ADGRV1: variants seen among roughly 807,000 people sequenced by gnomAD.
ADGRV1 encodes adhesion G protein-coupled receptor V1, also known as G-protein coupled receptor 98.
A neutral mutation model predicts 596.2 loss-of-function variants in ADGRV1; 359 were observed. The observed-to-expected ratio is 0.60, with a 90% CI of 0.55 to 0.66. The LOEUF (loss-of-function observed/expected upper bound fraction) is 0.66, where lower values mean the gene tolerates loss of function less well. Ranked by LOEUF, ADGRV1 falls within the 30% of genes least tolerant of loss-of-function variation. The probability of loss-of-function intolerance (pLI) is 0.00; values close to 1 mark genes in which losing one functional copy is unlikely to be tolerated. For synonymous variants in ADGRV1, 2,681 were observed against 2,679.2 expected, an observed-to-expected ratio of 1.00 and a Z score of -0.02; for missense variants, 7,274 against 7,575.6, an observed-to-expected ratio of 0.96 and a Z score of 1.48.
intron 83 of ADGRV1, among the ~76,000 whole-genome samples, chr5:90,888,345 TAAAGAG>T (rs890811191): frequency 3.9e-4 from 60 of 152,144 alleles, no homozygotes; most frequent in African/African-American, 1.3e-3. Flanking sequence ...TGTGAGTTCT[TAAAGAG>T]AAAAAGTTTT....
At chr5:91,088,658 A>T (rs1021492257) in intron 86 of ADGRV1, among the ~76,000 whole-genome samples, 1 of 152,160 alleles carries the variant, frequency 6.6e-6, no homozygotes, top group Admixed American at 6.5e-5. Flanking sequence ...AAATGGAAGC[A>T]TGTAGTTATG....
At chr5:90,813,389 A>G (rs1453225747) in intron 74 of ADGRV1, among the ~76,000 whole-genome samples, 1 of 152,012 alleles carries the variant, frequency 6.6e-6, no homozygotes, top group Non-Finnish European at 1.5e-5. Context: ...GGGAAGTGGC[A>G]GAGGACTCTT....
intron 85 of ADGRV1, among the ~76,000 whole-genome samples, chr5:91,017,503 G>A (rs1783270415): frequency 6.6e-6 from 1 of 151,888 alleles, no homozygotes; most frequent in African/African-American, 2.4e-5. Flanking sequence ...TCCTCCCGTG[G>A]CATGAATACA....
intron 1 of ADGRV1, among the ~76,000 whole-genome samples, chr5:90,609,650 C>A (rs1050525436): frequency 6.6e-6 from 1 of 151,862 alleles, no homozygotes; most frequent in East Asian, 1.9e-4. Context: ...TAGAATGCCC[C>A]TTAGTAGATG....
At chr5:90,769,018 T>C (rs1757422344) in intron 59 of ADGRV1, among the ~76,000 whole-genome samples, 1 of 152,160 alleles carries the variant, frequency 6.6e-6, no homozygotes, top group Non-Finnish European at 1.5e-5. Context: ...AGTTTTATAA[T>C]CTTGTGTTGA....
chr5:90,716,383 T>A, intron 42 of ADGRV1, 84 bp from the exon 43 acceptor site: 1 of 989,988 alleles, frequency 1.0e-6, no homozygotes, highest in Non-Finnish European at 1.4e-6. Flanking sequence ...GTTGGCCTAG[T>A]TTTCAATTAG....
At chr5:91,080,653 A>G (rs564229784) in intron 86 of ADGRV1, among the ~76,000 whole-genome samples, 41 of 150,568 alleles carry the variant, frequency 2.7e-4, no homozygotes, top group African/African-American at 8.0e-4. Flanking sequence ...TTCATCTTCT[A>G]CTTAATCTTC....
At chr5:91,028,028 TTTTTC>T (rs919885229) in intron 85 of ADGRV1, among the ~76,000 whole-genome samples, 4 of 140,054 alleles carry the variant, frequency 2.9e-5, no homozygotes, top group African/African-American at 7.8e-5. Context: ...TCCAGCTTTT[TTTTTC>T]TTTCTTTTTT....
intron 11 of ADGRV1, among the ~76,000 whole-genome samples, chr5:90,641,030 A>G (rs1408009196): frequency 1.3e-5 from 2 of 152,178 alleles, no homozygotes; most frequent in Non-Finnish European, 2.9e-5. Flanking sequence ...TTTTCTAATG[A>G]TAAGGGGAGC....
In ADGRV1 at chr5:90,694,008, G is replaced by T. The variant is rs756544273; in HGVS notation, c.7252G>T (p.Val2418Leu). ...LSYYESPIQG[V>L]PDPLWRTWMN... Reference sequence around the variant, plus strand: ...CTACTATGAATCTCCAATTCAAGGGGTGCCTGACCCACTTTGGAGAACTTG... The same window carrying T: ...CTACTATGAATCTCCAATTCAAGGGTTGCCTGACCCACTTTGGAGAACTTG... The change falls in exon 33 of 90, where the codon GTG (valine) becomes TTG (leucine). Residue 2418 changes from valine (V) to leucine (L), a missense_variant. Val to Leu is a conservative substitution (Grantham distance 32). Coordinates refer to ENST00000405460, the MANE Select transcript of ADGRV1 (RefSeq NM_032119.4). 42 of 1,613,578 alleles carry T rather than the reference G, an allele frequency of 2.6e-5. No homozygotes were observed. In the South Asian group the frequency reaches 4.6e-4, roughly 18 times the overall value.
At chr5:90,681,829 C>T (rs1191657747) in intron 27 of ADGRV1, among the ~76,000 whole-genome samples, 5 of 141,180 alleles carry the variant, frequency 3.5e-5, no homozygotes, top group Non-Finnish European at 7.6e-5. Context: ...TCCCTCACTC[C>T]GTCCCTCCCT....
intron 85 of ADGRV1, among the ~76,000 whole-genome samples, chr5:90,999,318 T>G (rs540804770): frequency 6.6e-6 from 1 of 152,194 alleles, no homozygotes; most frequent in African/African-American, 2.4e-5. Flanking sequence ...ATTTTCCATC[T>G]ACAATAATAG....
At chr5:90,923,097 A>T (rs1340666055) in intron 83 of ADGRV1, among the ~76,000 whole-genome samples, 1 of 152,212 alleles carries the variant, frequency 6.6e-6, no homozygotes. Context: ...TGAGAAATAG[A>T]AGCATTTTTG....
intron 85 of ADGRV1, among the ~76,000 whole-genome samples, chr5:91,048,801 T>C (rs2151300164): frequency 6.6e-6 from 1 of 152,308 alleles, no homozygotes; most frequent in Non-Finnish European, 1.5e-5. Context: ...AAACTTCCAG[T>C]TTAACAGCAA....
intron 86 of ADGRV1, among the ~76,000 whole-genome samples, chr5:91,073,655 TTTCTAA>T (rs1788585120): frequency 6.6e-6 from 1 of 152,212 alleles, no homozygotes; most frequent in Admixed American, 6.5e-5. Context: ...AGCCATCTCT[TTTCTAA>T]TTCTTTCTCA....
intron 84 of ADGRV1, among the ~76,000 whole-genome samples, chr5:90,975,079 A>G (rs1779435311): frequency 6.6e-6 from 1 of 152,128 alleles, no homozygotes; most frequent in South Asian, 2.1e-4. Flanking sequence ...ACATTTATGC[A>G]GCCAACAGAC....
chr5:90,891,368 A>G (rs1770806993), intron 83 of ADGRV1, among the ~76,000 whole-genome samples: 1 of 151,322 alleles, frequency 6.6e-6, no homozygotes, highest in Non-Finnish European at 1.5e-5. Context: ...TTTTAAGAAA[A>G]TATCACCTTC....
chr5:90,787,650 T>A (rs1177116360), intron 67 of ADGRV1, among the ~76,000 whole-genome samples: 1 of 148,982 alleles, frequency 6.7e-6, no homozygotes, highest in Non-Finnish European at 1.5e-5. Context: ...TGGAGTGCAG[T>A]GGCGTGATCT....
chr5:90,862,595 G>A (rs560447387), intron 82 of ADGRV1, among the ~76,000 whole-genome samples: 20 of 151,694 alleles, frequency 1.3e-4, no homozygotes, highest in African/African-American at 4.8e-4. Flanking sequence ...TACTTGTGTG[G>A]GTGAATTTTG....
Sources: gnomAD v4.1 joint callset for allele counts (sites outside exome capture counted in the v4.1 genomes callset) on GRCh38, gnomAD v4.1.1 for gene constraint, MANE v1.5 for transcripts, NCBI Gene and HGNC (gene_info 2026-07-23, HGNC 2026-07-21) for gene names.